The following HADHB variants were observed in gnomAD, a reference collection of about 807,000 sequenced individuals.
HADHB encodes the protein trifunctional enzyme subunit beta, mitochondrial.
A neutral mutation model predicts 61.9 loss-of-function variants in HADHB; 50 were observed. The ratio of observed to expected loss-of-function variants is 0.81; its 90% CI spans 0.64 to 1.02. The LOEUF (loss-of-function observed/expected upper bound fraction) is 1.02. Ranked by LOEUF, HADHB falls within the 50% of genes least tolerant of loss-of-function variation. The pLI is 0.00. For synonymous variants in HADHB, 191 were observed against 201.6 expected (o/e 0.95, Z 0.45); for missense variants, 504 against 586.5 (o/e 0.86, Z 1.45).
chr2:26,263,899 T>C (rs1318150567), intron 4 of HADHB, among the ~76,000 whole-genome samples: 1 of 152,128 alleles, frequency 6.6e-6, no homozygotes, highest in Non-Finnish European at 1.5e-5. Context: ...TTGGAGTTGA[T>C]AGGGCTGGTC....
At position 26,271,045 on chromosome 2, in the gene HADHB, A is replaced by AT. The variant is rs957336815; in HGVS notation, c.254+1058dup. ...AGGCGCCTGCCACCATGCCCGGCTAATTTTTTTTTTCTTTTTTTTTTTTGT... is the reference window on the plus strand; with the variant it reads ...AGGCGCCTGCCACCATGCCCGGCTAATTTTTTTTTTTCTTTTTTTTTTTTGT... On this transcript the variant is annotated intron_variant, in intron 5 of 15. Coordinates refer to ENST00000317799, the MANE Select transcript of HADHB (RefSeq NM_000183.3). Among the ~76,000 whole-genome samples, 99 of 139,760 alleles carry AT rather than the reference A, an allele frequency of 7.1e-4. 1 individual carries two copies. The highest frequency in any genetic ancestry group is 7.0e-3 in the East Asian group (33 of 4,744). The allele number at this position is 139,760 out of a possible 152,430, so 91.7% of individuals were successfully genotyped here.
In HADHB at chr2:26,247,349, A is replaced by T. The variant is rs143479930; in HGVS notation, c.-9+2359A>T. ...AGCTCTGCTATAGGATAATTTGCTT[A>T]GTCCCTCTTACTTTTGAAATCTCTA... is the stretch of plus-strand genomic sequence containing the variant. On this transcript the variant is annotated intron_variant, in intron 1 of 15. Transcript: ENST00000317799. Among the ~76,000 whole-genome samples the T allele has an allele frequency of 3.1e-3, 476 of 152,352 alleles. 1 individual carries two copies. Among genetic ancestry groups the T allele is most frequent in the African/African-American group, 0.011 (468 of 41,592 alleles).
At position 26,272,456 on chromosome 2, in the gene HADHB, C is replaced by CT. The variant is rs555204143; in HGVS notation, c.255-1194dup. 1.1e-3 allele frequency among the ~76,000 whole-genome samples: 167 copies of CT among 151,844 alleles called. 1 individual carries two copies. The highest frequency in any genetic ancestry group is 3.9e-3 in the African/African-American group (160 of 41,418). On this transcript the variant is annotated intron_variant, in intron 5 of 15. Transcript: ENST00000317799. Reference sequence around the variant, plus strand: ...CGCCTCCCAGGTTCAAGCAATTCTCCTGCCTCAGCCTTCCGAGTAGCTGGA... The same window carrying CT: ...CGCCTCCCAGGTTCAAGCAATTCTCCTTGCCTCAGCCTTCCGAGTAGCTGGA...
chr2:26,263,544 T>A, intron 4 of HADHB, 65 bp downstream of exon 4: 2 of 975,046 alleles, frequency 2.1e-6, no homozygotes, highest in Non-Finnish European at 3.3e-6. Context: ...GTAGTCTTTG[T>A]AAATGTAACC....
At chr2:26,245,750 T>C (rs779711373) in intron 1 of HADHB, among the ~76,000 whole-genome samples, 1 of 152,042 alleles carries the variant, frequency 6.6e-6, no homozygotes, top group Non-Finnish European at 1.5e-5. Flanking sequence ...TGGAATAAAG[T>C]GATTGATTTC....
chr2:26,261,122 T>C, intron 3 of HADHB: 1 of 862,708 alleles, frequency 1.2e-6, no homozygotes, highest in Non-Finnish European at 1.9e-6. Context: ...GGGATGTGTC[T>C]ATGGCTTCCC....
chr2:26,251,209 A>G (rs1671385944), intron 1 of HADHB, among the ~76,000 whole-genome samples: 1 of 151,174 alleles, frequency 6.6e-6, no homozygotes, highest in Non-Finnish European at 1.5e-5. Context: ...TTTTTTTGAG[A>G]CAGGATCTTA....
rs61458894 is a variant in HADHB, at chr2:26,255,498, C to CA, written c.109+1040dup. ...TGGGTGACAGAGCGAGACTCCGGCTCAAAAAAAAAAAAAAAAGAAAGAAAG... is the reference window on the plus strand; with the variant it reads ...TGGGTGACAGAGCGAGACTCCGGCTCAAAAAAAAAAAAAAAAAGAAAGAAAG... On this transcript the variant is annotated intron_variant, in intron 3 of 15. Transcript: ENST00000317799. 5.2e-3 allele frequency among the ~76,000 whole-genome samples: 398 copies of CA among 76,220 alleles called. 1 individual carries two copies. The highest frequency in any genetic ancestry group is 0.021 in the Middle Eastern group (2 of 96). The allele number at this position is 76,220 out of a possible 152,430, so 50.0% of individuals were successfully genotyped here. A position where few individuals can be genotyped will look rare whatever the true frequency, so the allele number is the denominator to read the frequency against.
At position 26,254,353 on chromosome 2, in the gene HADHB, T is replaced by TG; in HGVS notation, c.64+37dup. 2.0e-6 allele frequency: 3 copies of TG among 1,465,198 alleles called. 1 individual carries two copies. The South Asian group carries it at 3.4e-5, about 17-fold the overall frequency. The allele number at this position is 1,465,198 out of a possible 1,614,324, so 90.8% of individuals were successfully genotyped here. A position where few individuals can be genotyped will look rare whatever the true frequency, so the allele number is the denominator to read the frequency against. ...TTATTATTTTTTTATTTTTAGAGAT[T>TG]GGATTTGGATTTATAAACATCTCGC... On this transcript the variant is annotated intron_variant, in intron 2 of 15. Coordinates refer to ENST00000317799, the MANE Select transcript of HADHB (RefSeq NM_000183.3).
intron 3 of HADHB, among the ~76,000 whole-genome samples, chr2:26,262,103 T>C (rs1671889566): frequency 6.6e-6 from 1 of 152,208 alleles, no homozygotes; most frequent in South Asian, 2.1e-4. Flanking sequence ...TATTTTATCA[T>C]GACTATTAAC....
rs139826457 is a variant in HADHB, at chr2:26,280,291, C to G, written c.933+176C>G. 3.1e-3 allele frequency among the ~76,000 whole-genome samples: 470 copies of G among 152,034 alleles called. 5 individuals carry two copies. The highest frequency in any genetic ancestry group is 0.011 in the African/African-American group (448 of 41,456). ...AAAATAGAATCACGGTTTTAAGGCC[C>G]GAGAAGTCACCTAATCCAGCCACCA... On this transcript the variant is annotated intron_variant, in intron 10 of 15. Transcript: ENST00000317799.
Position 26,274,584 on chromosome 2 carries a change from A to G in HADHB, c.354+834A>G, listed in dbSNP as rs112104351. Among the ~76,000 whole-genome samples, 955 of 151,486 alleles carry G rather than the reference A, an allele frequency of 6.3e-3. 8 individuals are homozygous for G. Among genetic ancestry groups the G allele is most frequent in the African/African-American group, 0.022 (893 of 41,498 alleles). On this transcript the variant is annotated intron_variant, in intron 6 of 15. Transcript: ENST00000317799. ...GCCTGGCATGACTGAAGCCTACGAA[A>G]CTAACTGTGTGCTGTTGAGGGGCAG...
chr2:26,255,256 T>C (rs1671559408), intron 3 of HADHB, among the ~76,000 whole-genome samples: 1 of 152,068 alleles, frequency 6.6e-6, no homozygotes, highest in African/African-American at 2.4e-5. Context: ...TCCCAGCACT[T>C]TGGGAGGCTG....
intron 15 of HADHB, among the ~76,000 whole-genome samples, chr2:26,286,837 C>T (rs1395391122): frequency 3.4e-5 from 5 of 148,556 alleles, no homozygotes; most frequent in African/African-American, 1.2e-4. Flanking sequence ...TTTTTAATCC[C>T]GATGTGAACA....
At chr2:26,264,018 C>A (rs1225420911) in intron 4 of HADHB, among the ~76,000 whole-genome samples, 2 of 152,250 alleles carry the variant, frequency 1.3e-5, no homozygotes, top group East Asian at 3.9e-4. Context: ...TTTTGTGCTT[C>A]TTTTCTGTCC....
chr2:26,279,668 T>C (rs1179705983), intron 9 of HADHB, among the ~76,000 whole-genome samples: 3 of 152,002 alleles, frequency 2.0e-5, no homozygotes, highest in Non-Finnish European at 4.4e-5. Context: ...TTTTAGATCT[T>C]GCTGATATAT....
chr2:26,252,885 A>G (rs1428733249), intron 1 of HADHB, among the ~76,000 whole-genome samples: 1 of 152,254 alleles, frequency 6.6e-6, no homozygotes, highest in African/African-American at 2.4e-5. Flanking sequence ...ATAATTACCA[A>G]ATTGCCCTCC....
In HADHB at chr2:26,256,867, C is replaced by A. The variant is rs138890759; in HGVS notation, c.109+2393C>A. ...GAGAAAATTTTGATGTGCTTAGGAG[C>A]CAGTGTGCACATGAAGCAGAATGAG... On this transcript the variant is annotated intron_variant, in intron 3 of 15. Coordinates refer to ENST00000317799, the MANE Select transcript of HADHB (RefSeq NM_000183.3). Among the ~76,000 whole-genome samples the A allele has an allele frequency of 6.5e-3, 990 of 152,174 alleles. 6 individuals are homozygous for A. Among genetic ancestry groups the A allele is most frequent in the Middle Eastern group, 0.02 (6 of 294 alleles).
At chr2:26,269,496 T>C (rs7606576) in intron 4 of HADHB, among the ~76,000 whole-genome samples, 146,380 of 152,306 alleles carry the variant, frequency 0.96, 70,484 homozygotes, top group Non-Finnish European at 0.99. Context: ...CCACCATGCT[T>C]GGCCTCTTTC....
Sources: gnomAD v4.1 joint callset for allele counts (sites outside exome capture counted in the v4.1 genomes callset) on GRCh38, gnomAD v4.1.1 for gene constraint, MANE v1.5 for transcripts, NCBI Gene and HGNC (gene_info 2026-07-23, HGNC 2026-07-21) for gene names.